Variants in ZC3H6 observed in about 807,000 individuals in gnomAD.
ZC3H6 encodes the protein zinc finger CCCH-type containing 6.
In ZC3H6, 40 loss-of-function variants were observed where a neutral mutation model predicts 107.7. That is an observed-to-expected ratio of 0.37 (90% CI 0.29 to 0.48). The LOEUF (loss-of-function observed/expected upper bound fraction) is 0.48, where lower values mean the gene tolerates loss of function less well. Ranked by LOEUF, ZC3H6 falls within the 20% of genes least tolerant of loss-of-function variation. The pLI is 0.98. For missense variants in ZC3H6, 1,267 were observed against 1,410.4 expected (o/e 0.90, Z 1.63); for synonymous variants, 493 against 487.9 (o/e 1.01, Z -0.14).
intron 7 of ZC3H6, 127 bp from the exon 8 acceptor site, chr2:112,321,629 C>A: frequency 1.9e-6 from 1 of 520,516 alleles, no homozygotes; most frequent in East Asian, 3.2e-5. Flanking sequence ...GTATTGTTGA[C>A]TATAGGTACA....
chr2:112,314,688 C>A (rs1676661638), intron 5 of ZC3H6, among the ~76,000 whole-genome samples: 1 of 151,946 alleles, frequency 6.6e-6, no homozygotes, highest in Non-Finnish European at 1.5e-5. Flanking sequence ...TTATAACAGC[C>A]ATGATTCTTT....
At chr2:112,292,839 C>G (rs1676147280) in intron 1 of ZC3H6, among the ~76,000 whole-genome samples, 1 of 152,100 alleles carries the variant, frequency 6.6e-6, no homozygotes, top group Non-Finnish European at 1.5e-5. Context: ...TTTTGTAACC[C>G]CCATCCAGGG....
chr2:112,296,522 C>T (rs1473701135), intron 1 of ZC3H6, among the ~76,000 whole-genome samples: 1 of 152,098 alleles, frequency 6.6e-6, no homozygotes, highest in Non-Finnish European at 1.5e-5. Flanking sequence ...AATATGTGCA[C>T]TCATTTTCTC....
At chr2:112,289,515 C>T (rs1676059064) in intron 1 of ZC3H6, among the ~76,000 whole-genome samples, 5 of 151,744 alleles carry the variant, frequency 3.3e-5, no homozygotes, top group South Asian at 2.1e-4. Flanking sequence ...TTAGTAGAGA[C>T]GGGGTTTCAC....
intron 1 of ZC3H6, among the ~76,000 whole-genome samples, chr2:112,279,080 T>C (rs190897017): frequency 1.1e-3 from 162 of 152,378 alleles, no homozygotes; most frequent in Non-Finnish European, 1.6e-3. Context: ...CTTCTAATTC[T>C]ACTTGTGGCT....
intron 8 of ZC3H6, 134 bp from the exon 9 acceptor site, chr2:112,322,515 A>T: frequency 2.0e-6 from 2 of 986,770 alleles, no homozygotes; most frequent in Non-Finnish European, 2.9e-6. Flanking sequence ...TGTTGAGATT[A>T]AAGGCGTGAG....
chr2:112,288,817 T>C (rs1310673374), intron 1 of ZC3H6, among the ~76,000 whole-genome samples: 8 of 152,176 alleles, frequency 5.3e-5, no homozygotes, highest in Non-Finnish European at 1.0e-4. Context: ...TTCATTTGGT[T>C]TTTGTTTTGG....
intron 1 of ZC3H6, among the ~76,000 whole-genome samples, chr2:112,279,779 G>A (rs1686494369): frequency 6.6e-6 from 1 of 152,140 alleles, no homozygotes. Flanking sequence ...GTTAATTAAG[G>A]TAGCATTACA....
At chr2:112,316,241 TTCA>T (rs979840829) in intron 5 of ZC3H6, among the ~76,000 whole-genome samples, 8 of 147,490 alleles carry the variant, frequency 5.4e-5, no homozygotes, top group Admixed American at 4.1e-4. Context: ...TAAAAAGTTA[TTCA>T]TCTTCATTAA....
rs1306026913 is a variant in ZC3H6 at position 112,326,611 on chromosome 2, T to TTTTTG, written c.2086+1429_2086+1433dup. On this transcript the variant is annotated intron_variant, in intron 11 of 11. Coordinates refer to ENST00000409871, the MANE Select transcript of ZC3H6 (RefSeq NM_198581.3). ...CACATTTTCTTTATCCATTGTCTGT[T>TTTTTG]TTTTGTTTTGTTTTGTTTTAAGACA... Among the ~76,000 whole-genome samples the TTTTTG allele has an allele frequency of 2.0e-5, 3 of 152,076 alleles. No homozygotes were observed. In the South Asian group the frequency reaches 6.2e-4, roughly 31 times the overall value.
At chr2:112,277,822 C>T (rs1363427791) in intron 1 of ZC3H6, among the ~76,000 whole-genome samples, 1 of 150,796 alleles carries the variant, frequency 6.6e-6, no homozygotes, top group East Asian at 1.9e-4. Context: ...ACATGAAAAA[C>T]AAAACAACTA....
intron 1 of ZC3H6, among the ~76,000 whole-genome samples, chr2:112,283,075 T>C (rs1211485044): frequency 6.6e-6 from 1 of 152,192 alleles, no homozygotes; most frequent in Non-Finnish European, 1.5e-5. Flanking sequence ...CCTCTGGGCT[T>C]GACTTCCTAA....
intron 7 of ZC3H6, among the ~76,000 whole-genome samples, chr2:112,317,682 T>A (rs1377973755): frequency 1.3e-5 from 2 of 152,200 alleles, no homozygotes; most frequent in Non-Finnish European, 2.9e-5. Flanking sequence ...TAAAAAATTA[T>A]CATTGTGAAG....
chr2:112,328,458 A>G (rs1215709347), intron 11 of ZC3H6, among the ~76,000 whole-genome samples: 1 of 152,138 alleles, frequency 6.6e-6, no homozygotes, highest in Non-Finnish European at 1.5e-5. Flanking sequence ...GATTCTTCCA[A>G]TCCATGAACA....
At chr2:112,298,039 G>A (rs1379617283) in intron 1 of ZC3H6, among the ~76,000 whole-genome samples, 4 of 152,162 alleles carry the variant, frequency 2.6e-5, no homozygotes, top group African/African-American at 9.7e-5. Flanking sequence ...GCTTGAACCT[G>A]GGAGGTGGAG....
Position 112,321,764 on chromosome 2 carries a change from C to T in ZC3H6, c.985C>T (p.Pro329Ser). The change falls in exon 8 of 12, where the codon CCA becomes TCA. Residue 329 changes from proline (P) to serine (S), a missense_variant. Around this residue, in one of 3 missense-constraint regions of ZC3H6, gnomAD observed 925 missense variants for 1,025.7 expected, o/e 0.90. Transcript: ENST00000409871. ...ENCIYMHNEFPCKFYHSGAKC... is the reference protein window; with the variant it reads ...ENCIYMHNEFSCKFYHSGAKC... Reference sequence around the variant, plus strand: ...TTAATATTTTTATTTACATGAATTTCCATGCAAGTTCTATCATAGTGGAGC... The same window carrying T: ...TTAATATTTTTATTTACATGAATTTTCATGCAAGTTCTATCATAGTGGAGC... 1 of 1,495,052 alleles carries T rather than the reference C, an allele frequency of 6.7e-7. No individual in the cohort carries two copies. Among genetic ancestry groups the T allele is most frequent in the Non-Finnish European group, 8.9e-7 (1 of 1,118,208 alleles). 92.6% of individuals were successfully genotyped at this position (1,495,052 alleles called of 1,614,324 possible).
chr2:112,296,804 AAGAC>A (rs1676245872), intron 1 of ZC3H6, among the ~76,000 whole-genome samples: 1 of 152,220 alleles, frequency 6.6e-6, no homozygotes, highest in Non-Finnish European at 1.5e-5. Context: ...ACCTCTGTAA[AAGAC>A]AGTCATACAC....
At chr2:112,315,374 T>G (rs1676678969) in intron 5 of ZC3H6, among the ~76,000 whole-genome samples, 1 of 152,166 alleles carries the variant, frequency 6.6e-6, no homozygotes, top group South Asian at 2.1e-4. Context: ...TATTTAAAAG[T>G]TAAAAGTAAT....
Position 112,338,386 on chromosome 2 carries a change from A to G in ZC3H6, c.*5898A>G, listed in dbSNP as rs1310529244. 6.6e-6 allele frequency: 1 copy of G among 152,178 alleles called. No individual in the cohort carries two copies. The highest frequency in any genetic ancestry group is 2.4e-5 in the African/African-American group (1 of 41,448). 9.4% of individuals were successfully genotyped at this position (152,178 alleles called of 1,614,324 possible). A position where few individuals can be genotyped will look rare whatever the true frequency, so the allele number is the denominator to read the frequency against. On this transcript the variant is annotated 3_prime_UTR_variant, in exon 12 of 12. Coordinates refer to ENST00000409871, the MANE Select transcript of ZC3H6 (RefSeq NM_198581.3). ...ATTTGACTCTAATTTTGGGTCTTGT[A>G]TCTGGTCTTTAAACACCTTTCGTTA... is the stretch of plus-strand genomic sequence containing the variant.
Sources: gnomAD v4.1 joint callset for allele counts (sites outside exome capture counted in the v4.1 genomes callset) on GRCh38, gnomAD v4.1.1 for gene constraint, gnomAD v4.1.1 regional missense constraint, MANE v1.5 for transcripts, NCBI Gene and HGNC (gene_info 2026-07-23, HGNC 2026-07-21) for gene names.